The following ASTN2 variants were observed in gnomAD, a reference collection of about 807,000 sequenced individuals.
ASTN2 encodes the protein astrotactin-2.
ASTN2 carries 54 observed loss-of-function variants against 139.8 expected under a neutral mutation model. The observed-to-expected ratio is 0.39, with a 90% confidence interval of 0.31 to 0.48. The LOEUF (loss-of-function observed/expected upper bound fraction) is 0.48, where lower values mean the gene tolerates loss of function less well. ASTN2 is among the 20% of genes least tolerant of loss of function. ASTN2 has a pLI of 0.95. For missense variants in ASTN2, 1,565 were observed against 1,725.1 expected (o/e 0.91, Z 1.64); for synonymous variants, 756 against 719.5 (o/e 1.05, Z -0.81).
At chr9:116,735,257 T>G (rs1160415144) in intron 13 of ASTN2, among the ~76,000 whole-genome samples, 1 of 152,170 alleles carries the variant, frequency 6.6e-6, no homozygotes, top group African/African-American at 2.4e-5. Context: ...TTTATGTCTG[T>G]GTGTGCCTGT....
intron 1 of ASTN2, among the ~76,000 whole-genome samples, chr9:117,408,891 G>C (rs1156760858): frequency 1.3e-5 from 2 of 152,134 alleles, no homozygotes; most frequent in Non-Finnish European, 1.5e-5. Flanking sequence ...CATCGGCTTT[G>C]AGATGGAAAG....
At chr9:117,158,987 A>G (rs996569225) in intron 3 of ASTN2, among the ~76,000 whole-genome samples, 1 of 151,580 alleles carries the variant, frequency 6.6e-6, no homozygotes, top group African/African-American at 2.4e-5. Context: ...TCCCTACCTC[A>G]TCCTCTCTCC....
rs1052236004 is a variant in ASTN2, at chr9:117,303,204, A to T, written c.443-11691T>A. The stretch of plus-strand genomic sequence containing the variant: ...GTCTTCTGGACCAGGAATTGCTTTT[A>T]TCTCCTCTGTGTCCTTTTTGGTAGC... On this transcript the variant is annotated intron_variant, in intron 1 of 22. Transcript: ENST00000313400. Among the ~76,000 whole-genome samples the T allele has an allele frequency of 3.3e-5, 5 of 152,170 alleles. No homozygotes were observed. The East Asian group carries it at 9.7e-4, about 29-fold the overall frequency.
In ASTN2 at chr9:116,436,876, G is replaced by A. The variant is rs958664366; in HGVS notation, c.3782+3733C>T. Among the ~76,000 whole-genome samples the A allele has an allele frequency of 2.0e-5, 3 of 151,864 alleles. No homozygotes were observed. The East Asian group carries it at 5.8e-4, about 29-fold the overall frequency. On this transcript the variant is annotated intron_variant, in intron 22 of 22. Coordinates refer to ENST00000313400, the MANE Select transcript of ASTN2 (RefSeq NM_001365068.1). Reference sequence around the variant, plus strand: ...CATATACACCATGGAATACTATGCAGCCATAAAAAATGATGAGTTCATGTC... The same window carrying A: ...CATATACACCATGGAATACTATGCAACCATAAAAAATGATGAGTTCATGTC...
intron 12 of ASTN2, among the ~76,000 whole-genome samples, chr9:116,809,475 G>A (rs1831109797): frequency 6.6e-6 from 1 of 151,858 alleles, no homozygotes; most frequent in Non-Finnish European, 1.5e-5. Flanking sequence ...AATTACTATA[G>A]CTTTATAGCC....
chr9:116,519,153 T>C (rs1456700078), intron 19 of ASTN2, among the ~76,000 whole-genome samples: 5 of 151,922 alleles, frequency 3.3e-5, no homozygotes, highest in Admixed American at 3.3e-4. Context: ...CTAAAACAAA[T>C]GGACTTAACA....
chr9:116,965,967 T>A (rs573980231), intron 10 of ASTN2, among the ~76,000 whole-genome samples: 1 of 152,340 alleles, frequency 6.6e-6, no homozygotes, highest in Admixed American at 6.5e-5. Flanking sequence ...AAAGATCACT[T>A]ACAGGAAGCT....
At chr9:116,795,371 C>T (rs1490407030) in intron 13 of ASTN2, among the ~76,000 whole-genome samples, 4 of 152,226 alleles carry the variant, frequency 2.6e-5, no homozygotes, top group Non-Finnish European at 1.5e-5. Context: ...TATCAAATTC[C>T]ACATAGTAAA....
intron 6 of ASTN2, among the ~76,000 whole-genome samples, chr9:117,016,386 G>A (rs1013091446): frequency 6.6e-6 from 1 of 151,764 alleles, no homozygotes; most frequent in African/African-American, 2.4e-5. Context: ...AGAGCTCAGA[G>A]TCTGTGCCAG....
intron 19 of ASTN2, among the ~76,000 whole-genome samples, chr9:116,515,078 C>T (rs2086080303): frequency 2.0e-5 from 3 of 152,194 alleles, no homozygotes; most frequent in Non-Finnish European, 4.4e-5. Context: ...CACCTCTCTT[C>T]TGCGTCAGTC....
chr9:117,398,276 T>C, intron 1 of ASTN2, among the ~76,000 whole-genome samples: 1 of 152,150 alleles, frequency 6.6e-6, no homozygotes, highest in East Asian at 1.9e-4. Context: ...CACCAAAAAA[T>C]GTGGAAGGAA....
intron 16 of ASTN2, among the ~76,000 whole-genome samples, chr9:116,668,527 C>A (rs1230811214): frequency 6.6e-6 from 1 of 152,186 alleles, no homozygotes; most frequent in Admixed American, 6.5e-5. Context: ...TTTAAGCTTC[C>A]TCCATGTATT....
At chr9:116,440,905 T>C in intron 21 of ASTN2, 113 bp from the exon 22 acceptor site, 1 of 1,072,218 alleles carries the variant, frequency 9.3e-7, no homozygotes, top group Non-Finnish European at 1.3e-6. Context: ...TTGCATAAGC[T>C]CTGGGAGCAG....
At chr9:116,993,869 T>TATATAA in intron 7 of ASTN2, among the ~76,000 whole-genome samples, 1 of 141,678 alleles carries the variant, frequency 7.1e-6, no homozygotes, top group East Asian at 2.0e-4. Flanking sequence ...TATATATATA[T>TATATAA]ATATATATTT....
chr9:117,414,678 G>T lies in ASTN2; in HGVS notation c.261C>A (p.Arg87=). The part of the protein sequence containing the change: ...RESDIGWSGA[R]AGAGAGTGAG... Reference sequence around the variant, plus strand: ...CCCCGGTCCCAGCCCCGGCCCCGGCGCGGGCGCCGCTCCAGCCGATGTCGC... The same window carrying T: ...CCCCGGTCCCAGCCCCGGCCCCGGCTCGGGCGCCGCTCCAGCCGATGTCGC... The change falls in exon 1 of 23, where the codon CGC becomes CGA. Residue 87 remains arginine, a synonymous_variant. Coordinates refer to ENST00000313400, the MANE Select transcript of ASTN2 (RefSeq NM_001365068.1). This position sits in a 1 kb window ranked among gnomAD's most constrained non-coding sequence, Gnocchi z 4.2. 2 of 1,250,310 alleles carry T rather than the reference G, an allele frequency of 1.6e-6. No individual in the cohort carries two copies. Among genetic ancestry groups the T allele is most frequent in the Non-Finnish European group, 2.0e-6 (2 of 1,001,040 alleles). The allele number at this position is 1,250,310 out of a possible 1,614,324, so 77.5% of individuals were successfully genotyped here.
At chr9:116,824,610 G>A (rs1169136429) in intron 11 of ASTN2, among the ~76,000 whole-genome samples, 3 of 152,170 alleles carry the variant, frequency 2.0e-5, no homozygotes, top group Non-Finnish European at 4.4e-5. Context: ...ACTTTGTAGA[G>A]GTAGGCCAGA....
intron 1 of ASTN2, among the ~76,000 whole-genome samples, chr9:117,333,196 C>T (rs547132498): frequency 2.6e-4 from 39 of 151,394 alleles, no homozygotes; most frequent in African/African-American, 9.6e-4. Context: ...GCCTGGAAGG[C>T]TCCCAACTCC....
intron 3 of ASTN2, among the ~76,000 whole-genome samples, chr9:117,205,444 T>C (rs1327355933): frequency 1.3e-5 from 2 of 152,160 alleles, no homozygotes; most frequent in African/African-American, 2.4e-5. Flanking sequence ...GAGTGTTACA[T>C]TCCCAGTTTC....
intron 10 of ASTN2, among the ~76,000 whole-genome samples, chr9:116,953,810 A>G (rs895190692): frequency 2.0e-5 from 3 of 152,218 alleles, no homozygotes; most frequent in Admixed American, 1.3e-4. Context: ...CTTAGAGCAG[A>G]TAAGAGACTT....
Sources: allele counts gnomAD v4.1 joint callset (sites outside exome capture counted in the v4.1 genomes callset), GRCh38; gene constraint gnomAD v4.1.1; non-coding constraint Gnocchi (gnomAD v3.1); transcripts MANE v1.5; gene names NCBI Gene and HGNC (gene_info 2026-07-23, HGNC 2026-07-21).